The following PDE4B variants were observed in gnomAD, a reference collection of about 807,000 sequenced individuals.
The protein encoded by PDE4B is 3',5'-cyclic-AMP phosphodiesterase 4B.
A neutral mutation model predicts 82.2 loss-of-function variants in PDE4B; 20 were observed. The observed-to-expected ratio is 0.24, with a 90% CI of 0.17 to 0.35. The LOEUF is 0.35. Among genes scored for constraint, PDE4B ranks in the 10% least tolerant of loss-of-function variants. The probability of loss-of-function intolerance (pLI) is 1.00; values close to 1 mark genes in which losing one functional copy is unlikely to be tolerated. For missense variants in PDE4B, 655 were observed against 907.2 expected (o/e 0.72, Z 3.57); for synonymous variants, 320 against 318.9 (o/e 1.00, Z -0.04).
At chr1:66,262,274 C>T (rs961741956) in intron 6 of PDE4B, among the ~76,000 whole-genome samples, 2 of 152,196 alleles carry the variant, frequency 1.3e-5, no homozygotes, top group African/African-American at 4.8e-5. Flanking sequence ...AGTGAAGCAA[C>T]ATAGGTAAAA....
chr1:65,956,956 G>T (rs566748457), intron 3 of PDE4B, among the ~76,000 whole-genome samples: 1 of 151,994 alleles, frequency 6.6e-6, no homozygotes, highest in African/African-American at 2.4e-5. Flanking sequence ...AATCTAGTAG[G>T]TATGTACAGG....
At chr1:66,214,107 T>G (rs941646020) in intron 3 of PDE4B, among the ~76,000 whole-genome samples, 1 of 152,218 alleles carries the variant, frequency 6.6e-6, no homozygotes, top group Non-Finnish European at 1.5e-5. Context: ...GGGCATGTGA[T>G]GATGAAGGCT....
intron 7 of PDE4B, among the ~76,000 whole-genome samples, chr1:66,293,590 C>A (rs1657269544): frequency 6.6e-6 from 1 of 152,110 alleles, no homozygotes; most frequent in Non-Finnish European, 1.5e-5. Context: ...CAGTGATTCC[C>A]AAGTTAGTTT....
intron 3 of PDE4B, among the ~76,000 whole-genome samples, chr1:66,231,540 AT>A (rs1253314019): frequency 2.6e-5 from 4 of 152,242 alleles, no homozygotes; most frequent in African/African-American, 9.6e-5. Context: ...AACCCTTCAA[AT>A]GACTTGTTTT....
Position 66,011,223 on chromosome 1 carries a change from C to CAAA in PDE4B, c.281+92402_281+92404dup, listed in dbSNP as rs11372306. Reference sequence around the variant, plus strand: ...TATTACAAATAAAACATTCATCTGCCAAAAAAAAAAAAAAAAGAACTGGTG... The same window carrying CAAA: ...TATTACAAATAAAACATTCATCTGCCAAAAAAAAAAAAAAAAAAAGAACTGGTG... On this transcript the variant is annotated intron_variant, in intron 3 of 16. Coordinates refer to ENST00000341517, the MANE Select transcript of PDE4B (RefSeq NM_002600.4). 4.2e-4 allele frequency among the ~76,000 whole-genome samples: 56 copies of CAAA among 133,754 alleles called. 1 individual carries two copies. Among genetic ancestry groups the CAAA allele is most frequent in the Admixed American group, 3.7e-3 (50 of 13,424 alleles). 87.7% of individuals were successfully genotyped at this position (133,754 alleles called of 152,430 possible). A position where few individuals can be genotyped will look rare whatever the true frequency, so the allele number is the denominator to read the frequency against.
chr1:66,100,060 A>T (rs758823169), intron 3 of PDE4B, among the ~76,000 whole-genome samples: 1 of 152,054 alleles, frequency 6.6e-6, no homozygotes, highest in African/African-American at 2.4e-5. Context: ...AGACACATAT[A>T]TATGTACATT....
intron 1 of PDE4B, among the ~76,000 whole-genome samples, chr1:65,872,993 A>G (rs1199576152): frequency 1.3e-5 from 2 of 152,188 alleles, no homozygotes; most frequent in African/African-American, 4.8e-5. Flanking sequence ...TCATTCATTC[A>G]AACATATTAA....
In PDE4B at chr1:66,372,652, G is replaced by A; in HGVS notation, c.2185G>A (p.Glu729Lys). The A allele has an allele frequency of 6.2e-7, 1 of 1,613,506 alleles. No homozygotes were observed. Among genetic ancestry groups the A allele is most frequent in the Non-Finnish European group, 8.5e-7 (1 of 1,179,532 alleles). Residue 729 changes from glutamate (E) to lysine (K), a missense_variant, in exon 17 of 17, where the codon GAA becomes AAA. Physicochemically the swap from Glu to Lys is moderately conservative, Grantham distance 56 (BLOSUM62 1). Around this residue, in one of 3 missense-constraint regions of PDE4B, gnomAD observed 119 missense variants for 115.2 expected, o/e 1.03. Coordinates refer to ENST00000341517, the MANE Select transcript of PDE4B (RefSeq NM_002600.4). ...AGAGACTGACATAGACATTGCAACA[G>A]AAGACAAGTCCCCCGTGGATACATA... ...LGETDIDIAT[E>K]DKSPVDT
intron 3 of PDE4B, among the ~76,000 whole-genome samples, chr1:65,990,962 C>A (rs1210249216): frequency 6.6e-6 from 1 of 152,146 alleles, no homozygotes; most frequent in East Asian, 1.9e-4. Flanking sequence ...TATGTTTCAA[C>A]CACTTTCCCA....
intron 1 of PDE4B, among the ~76,000 whole-genome samples, chr1:65,828,226 T>A (rs944603811): frequency 2.0e-5 from 3 of 152,118 alleles, no homozygotes; most frequent in African/African-American, 4.8e-5. Flanking sequence ...AGTAAAAGTA[T>A]AATAAAATAT....
chr1:66,332,028 C>T, intron 7 of PDE4B: 25 of 1,048,148 alleles, frequency 2.4e-5, no homozygotes, highest in Non-Finnish European at 2.9e-5. Context: ...CGAATTTTGA[C>T]TGTTTCATTT....
rs139162978 is a variant in PDE4B, at chr1:65,915,720, A to G, written c.42+2364A>G. Among the ~76,000 whole-genome samples the G allele has an allele frequency of 2.2e-4, 34 of 152,184 alleles. No homozygotes were observed. In the East Asian group the frequency reaches 6.2e-3, roughly 28 times the overall value. On this transcript the variant is annotated intron_variant, in intron 2 of 16. Coordinates refer to ENST00000341517, the MANE Select transcript of PDE4B (RefSeq NM_002600.4). ...CTCCCCCTCCTCTCTGTAAACTTCT[A>G]CTTAGGTGCAGGATTTTACACTACC...
At chr1:66,147,617 ATCT>A (rs746792083) in intron 3 of PDE4B, among the ~76,000 whole-genome samples, 2 of 152,212 alleles carry the variant, frequency 1.3e-5, no homozygotes, top group Admixed American at 1.3e-4. Flanking sequence ...AATCTGGTAA[ATCT>A]TCTTGTCTGC....
chr1:65,941,022 A>C (rs1022186220), intron 3 of PDE4B, among the ~76,000 whole-genome samples: 40 of 151,986 alleles, frequency 2.6e-4, no homozygotes, highest in Non-Finnish European at 2.4e-4. Context: ...TCAGAACTTT[A>C]AAAAATATAA....
intron 3 of PDE4B, among the ~76,000 whole-genome samples, chr1:66,179,487 C>T (rs974199333): frequency 1.4e-5 from 2 of 146,076 alleles, no homozygotes; most frequent in African/African-American, 5.3e-5. Context: ...TTATGGGCTG[C>T]TCAAACATCA....
chr1:65,857,949 T>G (rs968199953), intron 1 of PDE4B, among the ~76,000 whole-genome samples: 1 of 152,168 alleles, frequency 6.6e-6, no homozygotes, highest in Non-Finnish European at 1.5e-5. Flanking sequence ...TTCTCTTTTT[T>G]GCAGGCAGGT....
At chr1:66,000,051 C>T (rs1451325179) in intron 3 of PDE4B, among the ~76,000 whole-genome samples, 3 of 152,192 alleles carry the variant, frequency 2.0e-5, no homozygotes, top group Non-Finnish European at 4.4e-5. Flanking sequence ...AAATGCTTTA[C>T]ATAGTAGCCT....
intron 1 of PDE4B, among the ~76,000 whole-genome samples, chr1:65,811,114 G>T (rs929991078): frequency 6.6e-6 from 1 of 152,182 alleles, no homozygotes; most frequent in African/African-American, 2.4e-5. Context: ...TCTTTTGTCA[G>T]AGAGGAAATC....
intron 15 of PDE4B, 145 bp from the exon 16 acceptor site, chr1:66,368,641 AT>A (rs990184613): frequency 1.5e-4 from 78 of 504,742 alleles, no homozygotes; most frequent in South Asian, 5.2e-4. Flanking sequence ...TTGTAATTCC[AT>A]TTTTTTTCGG....
Sources: gnomAD v4.1 joint callset for allele counts (sites outside exome capture counted in the v4.1 genomes callset) on GRCh38, gnomAD v4.1.1 for gene constraint, gnomAD v4.1.1 regional missense constraint, MANE v1.5 for transcripts, NCBI Gene and HGNC (gene_info 2026-07-23, HGNC 2026-07-21) for gene names.